DENND4C: variants seen among roughly 807,000 people sequenced by gnomAD.
DENND4C encodes DENN domain-containing protein 4C.
In DENND4C, 108 loss-of-function variants were observed where a neutral mutation model predicts 203.0. The observed-to-expected ratio is 0.53, with a 90% CI of 0.46 to 0.62. DENND4C has a LOEUF of 0.62. Ranked by LOEUF, DENND4C falls within the 20% of genes least tolerant of loss-of-function variation. The pLI is 0.00. For synonymous variants in DENND4C, 871 were observed against 792.4 expected (o/e 1.10, Z -1.67); for missense variants, 2,481 against 2,301.2 (o/e 1.08, Z -1.60).
At chr9:19,283,610 CTTTTTT>C (rs553611899) in intron 2 of DENND4C, among the ~76,000 whole-genome samples, 2 of 116,616 alleles carry the variant, frequency 1.7e-5, no homozygotes, top group African/African-American at 6.4e-5. Flanking sequence ...TTTTTTCTTT[CTTTTTT>C]TTTTTTTTTT....
chr9:19,283,186 C>T (rs1416060907), intron 2 of DENND4C, among the ~76,000 whole-genome samples: 1 of 151,576 alleles, frequency 6.6e-6, no homozygotes. Flanking sequence ...ACTGTTTAAA[C>T]TATTTTGTTA....
intron 10 of DENND4C, among the ~76,000 whole-genome samples, chr9:19,307,147 C>T (rs1839843483): frequency 6.6e-6 from 1 of 151,986 alleles, no homozygotes; most frequent in South Asian, 2.1e-4. Flanking sequence ...CCTTTAATCT[C>T]AGTACTTTCG....
chr9:19,289,240 G>C (rs879259605), intron 4 of DENND4C, among the ~76,000 whole-genome samples: 23 of 152,300 alleles, frequency 1.5e-4, no homozygotes, highest in Middle Eastern at 3.4e-3. Context: ...AAAGATTTAA[G>C]TGTCACGTCT....
intron 30 of DENND4C, among the ~76,000 whole-genome samples, chr9:19,363,501 C>CA (rs964066774): frequency 1.0e-4 from 15 of 147,700 alleles, no homozygotes; most frequent in African/African-American, 1.7e-4. Context: ...GACTCCATCT[C>CA]AAAAAAAAAA....
At chr9:19,249,756 C>T (rs1351343113) in intron 1 of DENND4C, among the ~76,000 whole-genome samples, 1 of 152,172 alleles carries the variant, frequency 6.6e-6, no homozygotes. Flanking sequence ...ACTTACGGCT[C>T]AAACAATCCT....
At chr9:19,257,219 G>A (rs766602582) in intron 1 of DENND4C, among the ~76,000 whole-genome samples, 8 of 151,674 alleles carry the variant, frequency 5.3e-5, no homozygotes, top group Admixed American at 2.0e-4. Context: ...GGCCGGGTGC[G>A]GTGGCTTGCA....
At chr9:19,240,900 T>A (rs1823520223) in intron 1 of DENND4C, among the ~76,000 whole-genome samples, 1 of 151,996 alleles carries the variant, frequency 6.6e-6, no homozygotes, top group African/African-American at 2.4e-5. Context: ...GAGGCAGAGG[T>A]TGCAGTGAGC....
chr9:19,251,363 G>A (rs1019710802), intron 1 of DENND4C, among the ~76,000 whole-genome samples: 1 of 152,286 alleles, frequency 6.6e-6, no homozygotes, highest in Admixed American at 6.5e-5. Flanking sequence ...GGGGATGCTG[G>A]GCCCAGCCCA....
At chr9:19,230,688 G>C (rs1352114274), upstream of DENND4C, 1 of 152,158 alleles carries the variant, frequency 6.6e-6, no homozygotes, top group African/African-American at 2.4e-5. Context: ...AGGCGGCGCA[G>C]GCGCAGACCG....
chr9:19,305,674 C>T (rs1417927968), intron 10 of DENND4C, 147 bp downstream of exon 10: 6 of 715,578 alleles, frequency 8.4e-6, no homozygotes, highest in East Asian at 2.7e-5. Flanking sequence ...GGGCAGGTAT[C>T]AGAATCTGGG....
Position 19,345,998 on chromosome 9 carries a change from A to G in DENND4C, c.3229A>G (p.Lys1077Glu). Residue 1077 changes from lysine to glutamate, a missense_variant, in exon 23 of 33, where the codon AAG becomes GAG. Transcript: ENST00000434457. Reference protein sequence around the residue: ...AVFGEATNLKKNGDRGEKRQK... With the variant: ...AVFGEATNLKENGDRGEKRQK... ...CTTTGGCGAAGCTACTAATCTCAAG[A>G]AGAATGGTGATAGAGGAGAAAAAAG... 6.2e-7 allele frequency: 1 copy of G among 1,614,132 alleles called. No homozygotes were observed. The highest frequency in any genetic ancestry group is 1.3e-5 in the African/African-American group (1 of 75,060).
chr9:19,351,002 A>G (rs900896059), intron 24 of DENND4C, 123 bp downstream of exon 24: 17 of 973,880 alleles, frequency 1.7e-5, no homozygotes, highest in African/African-American at 3.3e-5. Context: ...GGCTCAAGCA[A>G]TCTGCCTGCC....
chr9:19,253,713 A>G (rs1827224311), intron 1 of DENND4C, among the ~76,000 whole-genome samples: 1 of 152,184 alleles, frequency 6.6e-6, no homozygotes, highest in African/African-American at 2.4e-5. Flanking sequence ...CATGAACTGC[A>G]TTTAGTTTTT....
intron 1 of DENND4C, among the ~76,000 whole-genome samples, chr9:19,238,099 T>G (rs962457499): frequency 1.3e-5 from 2 of 151,034 alleles, no homozygotes; most frequent in African/African-American, 4.9e-5. Flanking sequence ...TTTTTTTTTT[T>G]GAGATAGAGT....
intron 1 of DENND4C, among the ~76,000 whole-genome samples, chr9:19,266,039 C>G (rs925499499): frequency 1.3e-5 from 2 of 152,184 alleles, no homozygotes; most frequent in Admixed American, 1.3e-4. Context: ...ACACTGTCTT[C>G]CACAATGGTT....
intron 9 of DENND4C, among the ~76,000 whole-genome samples, chr9:19,304,387 T>C (rs183016868): frequency 5.9e-5 from 9 of 152,010 alleles, no homozygotes; most frequent in African/African-American, 1.9e-4. Flanking sequence ...TTTGTACATC[T>C]TGGCCAGGCT....
At chr9:19,275,514 A>G (rs1832718036) in intron 1 of DENND4C, among the ~76,000 whole-genome samples, 1 of 151,874 alleles carries the variant, frequency 6.6e-6, no homozygotes, top group South Asian at 2.1e-4. Context: ...TCTTTCACCC[A>G]GGCTGAGGTG....
In DENND4C at chr9:19,286,686, G is replaced by A. The variant is rs967854416; in HGVS notation, c.306-83G>A. 146 of 1,170,724 alleles carry A rather than the reference G, an allele frequency of 1.2e-4. No homozygotes were observed. In the East Asian group the frequency reaches 4.6e-3, roughly 37 times the overall value. The allele number at this position is 1,170,724 out of a possible 1,614,324, so 72.5% of individuals were successfully genotyped here. A position where few individuals can be genotyped will look rare whatever the true frequency, so the allele number is the denominator to read the frequency against. ...TCAAGAAGAAAACCAGCATTAACCT[G>A]AAATGCATGTACTATATATATGTAC... On this transcript the variant is annotated intron_variant, in intron 2 of 32. Coordinates refer to ENST00000434457, the MANE Select transcript of DENND4C (RefSeq NM_001330640.2).
chr9:19,241,124 A>T (rs750459673), intron 1 of DENND4C, among the ~76,000 whole-genome samples: 6 of 152,184 alleles, frequency 3.9e-5, no homozygotes, highest in Non-Finnish European at 8.8e-5. Flanking sequence ...TGGTGAATGA[A>T]TGTGAAGGCC....
Sources: gnomAD v4.1 joint callset for allele counts (sites outside exome capture counted in the v4.1 genomes callset) on GRCh38, gnomAD v4.1.1 for gene constraint, MANE v1.5 for transcripts, NCBI Gene and HGNC (gene_info 2026-07-23, HGNC 2026-07-21) for gene names.